C3orf33: variants seen among roughly 807,000 people sequenced by gnomAD.
C3orf33 encodes the protein AP-1 activity suppressor.
In C3orf33, 23 loss-of-function variants were observed where a neutral mutation model predicts 28.7. That is an observed-to-expected ratio of 0.80 (90% CI 0.58 to 1.13). C3orf33 has a LOEUF of 1.13. Ranked by LOEUF, C3orf33 falls within the 50% of genes most tolerant of loss-of-function variation. The pLI, the probability that C3orf33 is intolerant of heterozygous loss-of-function variation, is 0.00. For synonymous variants in C3orf33, 119 were observed against 120.5 expected (o/e 0.99, Z 0.08); for missense variants, 327 against 353.4 (o/e 0.93, Z 0.60).
intron 2 of C3orf33, among the ~76,000 whole-genome samples, chr3:155,791,288 T>A (rs13096944): frequency 0.58 from 87,428 of 151,842 alleles, 25,651 homozygotes; most frequent in Middle Eastern, 0.7. Context: ...TTCCTGACTC[T>A]AGAGCCCTTG....
At chr3:155,805,838 G>C in intron 1 of C3orf33, 2 of 504,078 alleles carry the variant, frequency 4.0e-6, no homozygotes, top group Non-Finnish European at 7.2e-6. Flanking sequence ...TGCTCTAATG[G>C]ACCAGGTGGC....
At chr3:155,795,262 G>A (rs1751442413) in intron 2 of C3orf33, among the ~76,000 whole-genome samples, 1 of 151,846 alleles carries the variant, frequency 6.6e-6, no homozygotes, top group Non-Finnish European at 1.5e-5. Context: ...TCAAGACCAG[G>A]TTGGCCAACA....
intron 2 of C3orf33, among the ~76,000 whole-genome samples, chr3:155,776,696 C>T (rs1240654471): frequency 7.4e-6 from 1 of 135,412 alleles, no homozygotes; most frequent in Non-Finnish European, 1.5e-5. Flanking sequence ...TTTAAGGTTA[C>T]AGTGAGCCAT....
chr3:155,766,934 A>C (rs1750425561), intron 4 of C3orf33, among the ~76,000 whole-genome samples: 1 of 151,484 alleles, frequency 6.6e-6, no homozygotes, highest in African/African-American at 2.4e-5. Flanking sequence ...TGGGCAACAG[A>C]GTGAGACTCT....
intron 1 of C3orf33, among the ~76,000 whole-genome samples, chr3:155,803,607 G>A (rs187136953): frequency 1.4e-5 from 2 of 147,706 alleles, no homozygotes; most frequent in Non-Finnish European, 3.0e-5. Context: ...GAGGCCAGGT[G>A]TGGTGCCTCA....
chr3:155,778,141 CA>C lies in C3orf33; in HGVS notation c.175-2294del, dbSNP rs55700532. Among the ~76,000 whole-genome samples, 190 of 75,766 alleles carry C rather than the reference CA, an allele frequency of 2.5e-3. No individual in the cohort carries two copies. In the East Asian group the frequency reaches 0.036, roughly 14 times the overall value. 49.7% of individuals were successfully genotyped at this position (75,766 alleles called of 152,430 possible). On this transcript the variant is annotated intron_variant, in intron 2 of 4. Coordinates refer to ENST00000340171, the MANE Select transcript of C3orf33 (RefSeq NM_001308229.2). Reference sequence around the variant, plus strand: ...CTCCAGCCTGAGTGAAACTCCATTTCAAAAAAAAAAAAAAAAAAAAAACAAG... The same window carrying C: ...CTCCAGCCTGAGTGAAACTCCATTTCAAAAAAAAAAAAAAAAAAAAACAAG...
intron 4 of C3orf33, among the ~76,000 whole-genome samples, chr3:155,766,862 A>C (rs964646443): frequency 6.6e-6 from 1 of 152,190 alleles, no homozygotes; most frequent in Non-Finnish European, 1.5e-5. Flanking sequence ...AAGCAGGAGA[A>C]TTGCTTAAAC....
chr3:155,766,454 A>G (rs1320520897), intron 4 of C3orf33, among the ~76,000 whole-genome samples: 1 of 152,250 alleles, frequency 6.6e-6, no homozygotes, highest in Non-Finnish European at 1.5e-5. Context: ...TTTACAGTTC[A>G]AAGATTTATA....
intron 1 of C3orf33, chr3:155,805,735 A>T (rs1751790655): frequency 2.2e-6 from 1 of 447,544 alleles, no homozygotes; most frequent in African/African-American, 2.0e-5. Flanking sequence ...TAAAAAATAA[A>T]ATTAAAAATA....
At position 155,767,725 on chromosome 3, in the gene C3orf33, T is replaced by C. The variant is rs1750457083; in HGVS notation, c.323-56A>G. 4.6e-6 allele frequency: 6 copies of C among 1,290,578 alleles called. No individual in the cohort carries two copies. The East Asian group carries it at 1.6e-4, about 34-fold the overall frequency. 79.9% of individuals were successfully genotyped at this position (1,290,578 alleles called of 1,614,324 possible). A position where few individuals can be genotyped will look rare whatever the true frequency, so the allele number is the denominator to read the frequency against. ...TTTAACAGCATGTTGCAAAAGCAAA[T>C]TCCAGTCAGTTGGCCTCCAACAAAC... On this transcript the variant is annotated intron_variant, in intron 3 of 4. Coordinates refer to ENST00000340171, the MANE Select transcript of C3orf33 (RefSeq NM_001308229.2).
intron 4 of C3orf33, among the ~76,000 whole-genome samples, chr3:155,766,709 G>C (rs917951526): frequency 2.6e-5 from 4 of 152,228 alleles, no homozygotes; most frequent in African/African-American, 9.6e-5. Context: ...AGCACTTTGG[G>C]AGGCTGAGGC....
intron 2 of C3orf33, among the ~76,000 whole-genome samples, chr3:155,800,238 C>T (rs1398675804): frequency 1.3e-5 from 2 of 151,910 alleles, no homozygotes; most frequent in Admixed American, 6.6e-5. Flanking sequence ...AAAAGGAAAA[C>T]ATAGACAAAT....
intron 2 of C3orf33, among the ~76,000 whole-genome samples, chr3:155,781,508 A>T (rs1020567304): frequency 6.6e-6 from 1 of 151,980 alleles, no homozygotes; most frequent in African/African-American, 2.4e-5. Flanking sequence ...AGTGGCTCAC[A>T]CCTGTAATCC....
In C3orf33 at chr3:155,775,956, T is replaced by C. The variant is rs1750735027; in HGVS notation, c.175-108A>G. Reference sequence around the variant, plus strand: ...TCACAAGAGTACATAACCATGAACATTTTAAAATTTAGTTCCTAATTTTAT... The same window carrying C: ...TCACAAGAGTACATAACCATGAACACTTTAAAATTTAGTTCCTAATTTTAT... On this transcript the variant is annotated intron_variant, in intron 2 of 4. Transcript: ENST00000340171. 4 of 776,290 alleles carry C rather than the reference T, an allele frequency of 5.2e-6. No homozygotes were observed. The Admixed American group carries it at 8.7e-5, about 17-fold the overall frequency. The allele number at this position is 776,290 out of a possible 1,614,324, so 48.1% of individuals were successfully genotyped here.
chr3:155,783,466 C>CTTTT (rs1276316643), intron 2 of C3orf33, among the ~76,000 whole-genome samples: 1 of 91,538 alleles, frequency 1.1e-5, no homozygotes, highest in South Asian at 3.2e-4. Context: ...ACCTGTACTA[C>CTTTT]ATTTTTTTTT....
intron 2 of C3orf33, among the ~76,000 whole-genome samples, chr3:155,784,261 C>T (rs1250770183): frequency 6.6e-6 from 1 of 151,900 alleles, no homozygotes; most frequent in African/African-American, 2.4e-5. Context: ...CCACAATGTA[C>T]AAAAATGCGA....
At position 155,779,961 on chromosome 3, in the gene C3orf33, C is replaced by T. The variant is rs899741673; in HGVS notation, c.175-4113G>A. On this transcript the variant is annotated intron_variant, in intron 2 of 4. Transcript: ENST00000340171. The stretch of plus-strand genomic sequence containing the variant: ...TCCATTGCATCCATTTATTTTATAT[C>T]CCACAACAACACAAAGCTCAAAGCT... 6.6e-5 allele frequency among the ~76,000 whole-genome samples: 10 copies of T among 152,282 alleles called. No individual in the cohort carries two copies. The East Asian group carries it at 1.7e-3, about 26-fold the overall frequency.
At chr3:155,768,098 T>A (rs543337589) in intron 3 of C3orf33, among the ~76,000 whole-genome samples, 13 of 152,298 alleles carry the variant, frequency 8.5e-5, no homozygotes, top group Non-Finnish European at 1.9e-4. Context: ...CAAGCTGGTC[T>A]CGAACCCCTA....
rs77300418 is a variant in C3orf33, at chr3:155,797,302, C to T, written c.174+5230G>A. On this transcript the variant is annotated intron_variant, in intron 2 of 4. Transcript: ENST00000340171. ...CACAAAATGCTACAGAAGGAACATA[C>T]GTCAACACAATAAAAGCCATACACA... 3.1e-3 allele frequency among the ~76,000 whole-genome samples: 478 copies of T among 152,270 alleles called. 8 individuals carry two copies. In the East Asian group the frequency reaches 0.042, roughly 13 times the overall value.
Sources: allele counts gnomAD v4.1 joint callset (sites outside exome capture counted in the v4.1 genomes callset), GRCh38; gene constraint gnomAD v4.1.1; transcripts MANE v1.5; gene names NCBI Gene and HGNC (gene_info 2026-07-23, HGNC 2026-07-21).